INTS2: variants seen among roughly 807,000 people sequenced by gnomAD.
INTS2 encodes the protein KIAA1287.
INTS2 carries 57 observed loss-of-function variants against 139.6 expected under a neutral mutation model. The ratio of observed to expected loss-of-function variants is 0.41; its 90% CI spans 0.33 to 0.51. The LOEUF is 0.51. INTS2 is among the 20% of genes least tolerant of loss of function. INTS2 has a pLI of 0.28. For missense variants in INTS2, 1,196 were observed against 1,436.7 expected (o/e 0.83, Z 2.71); for synonymous variants, 473 against 493.4 (o/e 0.96, Z 0.55).
intron 18 of INTS2, among the ~76,000 whole-genome samples, chr17:61,877,106 G>A (rs1251522594): frequency 6.6e-6 from 1 of 152,166 alleles, no homozygotes; most frequent in Non-Finnish European, 1.5e-5. Flanking sequence ...AGGAGTGGAA[G>A]CAAGTAAGAG....
At position 61,897,086 on chromosome 17, in the gene INTS2, C is replaced by T. The variant is rs2079356900; in HGVS notation, c.1494+383G>A. 6.6e-6 allele frequency among the ~76,000 whole-genome samples: 1 copy of T among 152,002 alleles called. No individual in the cohort carries two copies. Among genetic ancestry groups the T allele is most frequent in the African/African-American group, 2.4e-5 (1 of 41,394 alleles). On this transcript the variant is annotated intron_variant, in intron 11 of 24. Transcript: ENST00000251334. The surrounding 1 kb of genome is among the most constrained non-coding windows in gnomAD (Gnocchi z 4.4). ...TCAAACAATGGACTATAAGACAATG[C>T]AGTCATTAAAAATTATACTGTATTA...
At chr17:61,879,358 G>C (rs1319907186) in intron 17 of INTS2, among the ~76,000 whole-genome samples, 2 of 152,036 alleles carry the variant, frequency 1.3e-5, no homozygotes, top group Non-Finnish European at 2.9e-5. Flanking sequence ...CCAGAAGATT[G>C]CTGTTACTAA....
At chr17:61,902,873 A>C (rs1285580224) in intron 9 of INTS2, among the ~76,000 whole-genome samples, 1 of 151,392 alleles carries the variant, frequency 6.6e-6, no homozygotes, top group Non-Finnish European at 1.5e-5. Context: ...AAAAAAAAAA[A>C]AAAAAAACAG....
At chr17:61,880,009 G>A (rs2079163660) in intron 17 of INTS2, among the ~76,000 whole-genome samples, 1 of 152,070 alleles carries the variant, frequency 6.6e-6, no homozygotes, top group South Asian at 2.1e-4. Flanking sequence ...TGCTGATCTA[G>A]AAGAACATTC....
rs995430757 is a variant in INTS2, at chr17:61,878,079, G to A, written c.2264C>T (p.Ala755Val). The A allele has an allele frequency of 6.2e-7, 1 of 1,605,672 alleles. No individual in the cohort carries two copies. The highest frequency in any genetic ancestry group is 1.7e-5 in the Admixed American group (1 of 59,984). Reference sequence around the variant, plus strand: ...CACTTGTGTGTTATTTACTGGGACAGCTGAAAATGCTAAAAAGAAAATTTA... The same window carrying A: ...CACTTGTGTGTTATTTACTGGGACAACTGAAAATGCTAAAAAGAAAATTTA... ...SPKQLQEAFS[A>V]VPVNNTQVMQ... The change falls in exon 18 of 25, where the codon GCT (alanine) becomes GTT (valine). Residue 755 changes from alanine to valine, a missense_variant. By Grantham distance (64) the Ala-to-Val change is moderately conservative. Around this residue, in one of 3 missense-constraint regions of INTS2, gnomAD observed 1,129 missense variants for 1,341.9 expected, o/e 0.84. Coordinates refer to ENST00000251334, the MANE Select transcript of INTS2 (RefSeq NM_001351695.2).
Position 61,909,446 on chromosome 17 carries a change from G to A in INTS2, c.955-1812C>T, listed in dbSNP as rs534587120. ...TTTTATAGATTTAGGGGGTACAAGT[G>A]CAGTTTTGTTACATGAATCTATTGC... is the stretch of plus-strand genomic sequence containing the variant. On this transcript the variant is annotated intron_variant, in intron 7 of 24. Coordinates refer to ENST00000251334, the MANE Select transcript of INTS2 (RefSeq NM_001351695.2). The surrounding 1 kb of genome is among the most constrained non-coding windows in gnomAD (Gnocchi z 4.9). Among the ~76,000 whole-genome samples, 157 of 152,220 alleles carry A rather than the reference G, an allele frequency of 1.0e-3. No homozygotes were observed. Among genetic ancestry groups the A allele is most frequent in the Admixed American group, 2.4e-3 (37 of 15,272 alleles).
Position 61,869,705 on chromosome 17 carries a change from C to A in INTS2, c.3030+32G>T. On this transcript the variant is annotated intron_variant, in intron 21 of 24. Coordinates refer to ENST00000251334, the MANE Select transcript of INTS2 (RefSeq NM_001351695.2). This position sits in a 1 kb window ranked among gnomAD's most constrained non-coding sequence, Gnocchi z 5.4. The stretch of plus-strand genomic sequence containing the variant: ...CAAAGCCCCCAAGAAAAATAAAGTT[C>A]AAACACAAAGCATCATTCTTTGGAA... 6.2e-7 allele frequency: 1 copy of A among 1,602,850 alleles called. No homozygotes were observed. The highest frequency in any genetic ancestry group is 1.1e-5 in the South Asian group (1 of 89,914).
chr17:61,907,375 G>A, intron 8 of INTS2, 33 bp downstream of exon 8: 3 of 1,509,236 alleles, frequency 2.0e-6, no homozygotes, highest in Non-Finnish European at 2.7e-6. Flanking sequence ...AAGGTAAAAT[G>A]ACAAAAAGGT....
chr17:61,883,305 G>C (rs2079194288), intron 16 of INTS2, among the ~76,000 whole-genome samples: 1 of 147,778 alleles, frequency 6.8e-6, no homozygotes, highest in East Asian at 2.0e-4. Context: ...TTGAGGTCAG[G>C]AGTTCGAGAC....
At chr17:61,883,614 T>C (rs1207171307) in intron 16 of INTS2, among the ~76,000 whole-genome samples, 3 of 151,950 alleles carry the variant, frequency 2.0e-5, no homozygotes, top group Non-Finnish European at 4.4e-5. Context: ...TAGCTGGGCA[T>C]GGTAGCAGGA....
rs1037843550 is a variant in INTS2, at chr17:61,895,117, C to T, written c.1563+198G>A. ...AAAAATACATAAATTCAAAAGATGC[C>T]TTGGTATGTTATGACTAGTTTTAAA... On this transcript the variant is annotated intron_variant, in intron 12 of 24. Coordinates refer to ENST00000251334, the MANE Select transcript of INTS2 (RefSeq NM_001351695.2). Among the ~76,000 whole-genome samples the T allele has an allele frequency of 7.2e-5, 11 of 152,004 alleles. No homozygotes were observed. The East Asian group carries it at 1.7e-3, about 24-fold the overall frequency.
intron 12 of INTS2, among the ~76,000 whole-genome samples, chr17:61,894,839 TA>T (rs35706298): frequency 0.25 from 34,747 of 140,430 alleles, 5,094 homozygotes; most frequent in East Asian, 0.76. Context: ...CAAAGTGAGA[TA>T]AAAAAAAAAA....
rs370424250 is a variant in INTS2, at chr17:61,872,180, G to A, written c.2778+85C>T. 178 of 736,924 alleles carry A rather than the reference G, an allele frequency of 2.4e-4. No individual in the cohort carries two copies. Among genetic ancestry groups the A allele is most frequent in the African/African-American group, 2.0e-3 (114 of 57,766 alleles). 45.6% of individuals were successfully genotyped at this position (736,924 alleles called of 1,614,324 possible). On this transcript the variant is annotated intron_variant, in intron 20 of 24. Coordinates refer to ENST00000251334, the MANE Select transcript of INTS2 (RefSeq NM_001351695.2). This position sits in a 1 kb window ranked among gnomAD's most constrained non-coding sequence, Gnocchi z 4.8. ...AATATGTCACCAATGTACATGGAGCGCACAATGTGCCATCTATTGAACTGA... is the reference window on the plus strand; with the variant it reads ...AATATGTCACCAATGTACATGGAGCACACAATGTGCCATCTATTGAACTGA...
At position 61,889,912 on chromosome 17, in the gene INTS2, A is replaced by G; in HGVS notation, c.1876-18T>C. ...TTGTCACCCTGGAGGTAATATTACAAATACTCTGAAATACTCTGAATTTCA... is the reference window on the plus strand; with the variant it reads ...TTGTCACCCTGGAGGTAATATTACAGATACTCTGAAATACTCTGAATTTCA... On this transcript the variant is annotated intron_variant, in intron 14 of 24. Coordinates refer to ENST00000251334, the MANE Select transcript of INTS2 (RefSeq NM_001351695.2). 1 of 1,354,460 alleles carries G rather than the reference A, an allele frequency of 7.4e-7. No homozygotes were observed. Among genetic ancestry groups the G allele is most frequent in the African/African-American group, 1.4e-5 (1 of 69,792 alleles). 83.9% of individuals were successfully genotyped at this position (1,354,460 alleles called of 1,614,324 possible). A position where few individuals can be genotyped will look rare whatever the true frequency, so the allele number is the denominator to read the frequency against.
chr17:61,904,544 G>A lies in INTS2; in HGVS notation c.1223C>T (p.Thr408Met), dbSNP rs776049279. The A allele has an allele frequency of 2.0e-5, 33 of 1,611,984 alleles. No individual in the cohort carries two copies. The highest frequency in any genetic ancestry group is 2.6e-5 in the Non-Finnish European group (31 of 1,178,788). ...EEAEQLLQLM[T>M]SRPPATPAGV... ...AGCTGGCGTAGCAGGAGGACGGCTCGTCATCAACTGCAGTAATTGCTCAGC... is the reference window on the plus strand; with the variant it reads ...AGCTGGCGTAGCAGGAGGACGGCTCATCATCAACTGCAGTAATTGCTCAGC... Residue 408 changes from threonine to methionine, a missense_variant, in exon 9 of 25, where the codon ACG becomes ATG. Around this residue, in one of 3 missense-constraint regions of INTS2, gnomAD observed 1,129 missense variants for 1,341.9 expected, o/e 0.84. Coordinates refer to ENST00000251334, the MANE Select transcript of INTS2 (RefSeq NM_001351695.2).
chr17:61,911,847 T>C (rs1466445394), intron 6 of INTS2, 93 bp downstream of exon 6: 5 of 1,458,516 alleles, frequency 3.4e-6, no homozygotes, highest in Admixed American at 4.5e-5. Context: ...ATAAATAAAA[T>C]TCCCCACCTC....
intron 15 of INTS2, among the ~76,000 whole-genome samples, chr17:61,888,326 C>T (rs1329090965): frequency 6.6e-6 from 1 of 152,082 alleles, no homozygotes; most frequent in Non-Finnish European, 1.5e-5. Context: ...CATGTTCATG[C>T]CACTGCACTC....
In INTS2 at chr17:61,924,972, T is replaced by A. The variant is rs778726468; in HGVS notation, c.421A>T (p.Ile141Phe). The A allele has an allele frequency of 6.2e-7, 1 of 1,612,546 alleles. No homozygotes were observed. Reference protein sequence around the residue: ...LRLVLSELLAIMNKVSESNGE... With the variant: ...LRLVLSELLAFMNKVSESNGE... The stretch of plus-strand genomic sequence containing the variant: ...TAAAAGAAATGCACCTTGTTCATAA[T>A]TGCCAACAGTTCACTAAGCACAAGA... Residue 141 changes from isoleucine (I) to phenylalanine (F), a missense_variant, in exon 3 of 25, where the codon ATT becomes TTT. This residue lies in a region of INTS2 where 1,129 missense variants were observed against 1,341.9 expected (regional missense o/e 0.84). Coordinates refer to ENST00000251334, the MANE Select transcript of INTS2 (RefSeq NM_001351695.2).
At chr17:61,916,351 G>A (rs752916432) in intron 5 of INTS2, among the ~76,000 whole-genome samples, 29 of 151,856 alleles carry the variant, frequency 1.9e-4, no homozygotes, top group Admixed American at 3.3e-4. Flanking sequence ...GGAGAATGGC[G>A]TGAACCCAGC....
Sources: allele counts gnomAD v4.1 joint callset (sites outside exome capture counted in the v4.1 genomes callset), GRCh38; gene constraint gnomAD v4.1.1; regional missense constraint gnomAD v4.1.1; non-coding constraint Gnocchi (gnomAD v3.1); transcripts MANE v1.5; gene names NCBI Gene and HGNC (gene_info 2026-07-23, HGNC 2026-07-21).